The following TNIK variants were observed in gnomAD, a reference collection of about 807,000 sequenced individuals.
TNIK encodes the protein TRAF2 and NCK-interacting protein kinase.
In TNIK, 49 loss-of-function variants were observed where a neutral mutation model predicts 191.3. The observed-to-expected ratio is 0.26, with a 90% CI of 0.20 to 0.32. The LOEUF (loss-of-function observed/expected upper bound fraction) is 0.32, where lower values mean the gene tolerates loss of function less well. Ranked by LOEUF, TNIK falls within the 10% of genes least tolerant of loss-of-function variation. The pLI is 1.00. For synonymous variants in TNIK, 594 were observed against 600.9 expected (o/e 0.99, Z 0.17); for missense variants, 1,155 against 1,702.3 (o/e 0.68, Z 5.66).
At chr3:171,272,991 C>A (rs1313005784) in intron 2 of TNIK, among the ~76,000 whole-genome samples, 1 of 152,216 alleles carries the variant, frequency 6.6e-6, no homozygotes, top group Admixed American at 6.5e-5. Flanking sequence ...ACACCTTCAA[C>A]AGCCCAACCA....
At chr3:171,203,769 C>T (rs953449401) in intron 4 of TNIK, among the ~76,000 whole-genome samples, 6 of 152,192 alleles carry the variant, frequency 3.9e-5, no homozygotes, top group African/African-American at 1.4e-4. Context: ...GACTCTGGGT[C>T]TCCAGATTCC....
At chr3:171,346,342 A>C (rs1246867036) in intron 2 of TNIK, among the ~76,000 whole-genome samples, 4 of 152,164 alleles carry the variant, frequency 2.6e-5, no homozygotes, top group Non-Finnish European at 5.9e-5. Flanking sequence ...TGCCCTATTA[A>C]AGATATGGTC....
chr3:171,374,567 G>C (rs1716965150), intron 1 of TNIK, among the ~76,000 whole-genome samples: 1 of 152,214 alleles, frequency 6.6e-6, no homozygotes, highest in African/African-American at 2.4e-5. Context: ...CCAAAGTCAA[G>C]AATCCCTGTT....
chr3:171,081,355 T>C (rs1203415286), intron 27 of TNIK, among the ~76,000 whole-genome samples: 1 of 151,882 alleles, frequency 6.6e-6, no homozygotes, highest in African/African-American at 2.4e-5. Flanking sequence ...CATCCCTGTG[T>C]TGTCTCTTCG....
intron 1 of TNIK, among the ~76,000 whole-genome samples, chr3:171,432,347 G>A (rs533356197): frequency 6.6e-6 from 1 of 152,268 alleles, no homozygotes; most frequent in East Asian, 1.9e-4. Flanking sequence ...AACTAAGTAG[G>A]AAGAAATTCA....
At chr3:171,290,693 T>C (rs947631066) in intron 2 of TNIK, among the ~76,000 whole-genome samples, 23 of 152,332 alleles carry the variant, frequency 1.5e-4, no homozygotes, top group African/African-American at 5.3e-4. Context: ...AGGTATTAAG[T>C]ATTTTTCTCT....
At chr3:171,246,621 CA>C (rs555849308) in intron 2 of TNIK, among the ~76,000 whole-genome samples, 6 of 151,878 alleles carry the variant, frequency 4.0e-5, no homozygotes, top group Middle Eastern at 3.4e-3. Context: ...TTTTAGCAAA[CA>C]AAAAAAATAT....
chr3:171,236,288 T>A (rs1295881696), intron 2 of TNIK, among the ~76,000 whole-genome samples: 1 of 152,202 alleles, frequency 6.6e-6, no homozygotes, highest in Non-Finnish European at 1.5e-5. Flanking sequence ...AAATGTCTAC[T>A]TCCGCGTGTC....
At chr3:171,428,093 C>T (rs1724883196) in intron 1 of TNIK, among the ~76,000 whole-genome samples, 1 of 152,032 alleles carries the variant, frequency 6.6e-6, no homozygotes, top group Admixed American at 6.6e-5. Context: ...GAGGGGGACC[C>T]TGGTGGATTT....
At chr3:171,104,289 AAT>A (rs1310435838) in intron 21 of TNIK, among the ~76,000 whole-genome samples, 3 of 152,126 alleles carry the variant, frequency 2.0e-5, no homozygotes, top group Non-Finnish European at 4.4e-5. Context: ...AACACAATCT[AAT>A]ATTAACACCA....
Position 171,128,780 on chromosome 3 carries a change from C to T in TNIK, c.1707G>A (p.Glu569=). Residue 569 remains glutamate (E), a synonymous_variant, in exon 16 of 33, where the codon GAG becomes GAA. Transcript: ENST00000436636. ...GCTGAACTCCACTAATGCTGAAGGACTCCGACCTTGGGGGCAGGTTGGGGT... is the reference window on the plus strand; with the variant it reads ...GCTGAACTCCACTAATGCTGAAGGATTCCGACCTTGGGGGCAGGTTGGGGT... ...ISDPNLPPRS[E]SFSISGVQPA... is the part of the protein sequence containing the mutation. 6.2e-7 allele frequency: 1 copy of T among 1,612,572 alleles called. No individual in the cohort carries two copies. Among genetic ancestry groups the T allele is most frequent in the Non-Finnish European group, 8.5e-7 (1 of 1,179,660 alleles).
intron 12 of TNIK, among the ~76,000 whole-genome samples, chr3:171,156,704 G>A (rs1444457514): frequency 6.6e-6 from 1 of 152,228 alleles, no homozygotes; most frequent in Non-Finnish European, 1.5e-5. Flanking sequence ...GCCAACTGTG[G>A]CTAGCAGTAT....
chr3:171,079,791 C>A, intron 27 of TNIK, 139 bp from the exon 28 acceptor site: 1 of 1,053,652 alleles, frequency 9.5e-7, no homozygotes, highest in South Asian at 2.0e-5. Flanking sequence ...GTGTCCCCAG[C>A]ACTTTGTCAT....
At chr3:171,280,852 G>T (rs2109252041) in intron 2 of TNIK, among the ~76,000 whole-genome samples, 1 of 152,180 alleles carries the variant, frequency 6.6e-6, no homozygotes, top group East Asian at 1.9e-4. Flanking sequence ...AGTAAAAATA[G>T]ATATTTCTCT....
At chr3:171,097,926 G>A (rs1722946042) in intron 22 of TNIK, among the ~76,000 whole-genome samples, 1 of 152,044 alleles carries the variant, frequency 6.6e-6, no homozygotes, top group South Asian at 2.1e-4. Flanking sequence ...GAAAATTTGA[G>A]CAACAAAATA....
chr3:171,423,761 GGGAAAA>G (rs1724152439), intron 1 of TNIK, among the ~76,000 whole-genome samples: 4 of 152,148 alleles, frequency 2.6e-5, no homozygotes, highest in Admixed American at 6.5e-5. Flanking sequence ...AAATGGCGCT[GGGAAAA>G]CTGGCTAACC....
At chr3:171,222,440 A>G (rs1742469315) in intron 3 of TNIK, among the ~76,000 whole-genome samples, 2 of 152,158 alleles carry the variant, frequency 1.3e-5, no homozygotes, top group Admixed American at 6.6e-5. Context: ...GGGACATGAT[A>G]AACAATCAGT....
At chr3:171,194,328 C>T (rs1738400769) in intron 5 of TNIK, among the ~76,000 whole-genome samples, 197 bp downstream of exon 5, 2 of 152,114 alleles carry the variant, frequency 1.3e-5, no homozygotes. Context: ...CAGAATGGCG[C>T]TCACTTCCAT....
At chr3:171,145,259 T>G (rs1731393910) in intron 12 of TNIK, among the ~76,000 whole-genome samples, 1 of 152,076 alleles carries the variant, frequency 6.6e-6, no homozygotes. Flanking sequence ...GCTAATTTTT[T>G]GGATTTTTAG....
Sources: gnomAD v4.1 joint callset for allele counts (sites outside exome capture counted in the v4.1 genomes callset) on GRCh38, gnomAD v4.1.1 for gene constraint, MANE v1.5 for transcripts, NCBI Gene and HGNC (gene_info 2026-07-23, HGNC 2026-07-21) for gene names.